GRM7: variants seen among roughly 807,000 people sequenced by gnomAD.
GRM7 encodes metabotropic glutamate receptor 7.
A neutral mutation model predicts 84.5 loss-of-function variants in GRM7; 35 were observed. That is an observed-to-expected ratio of 0.41 (90% CI 0.32 to 0.55). The LOEUF is 0.55. Ranked by LOEUF, GRM7 falls within the 20% of genes least tolerant of loss-of-function variation. The pLI is 0.19. For missense variants in GRM7, 1,003 were observed against 1,194.6 expected (o/e 0.84, Z 2.36); for synonymous variants, 487 against 455.1 (o/e 1.07, Z -0.89).
At chr3:7,691,731 G>A (rs917696509) in intron 9 of GRM7, among the ~76,000 whole-genome samples, 4 of 152,110 alleles carry the variant, frequency 2.6e-5, no homozygotes, top group Admixed American at 6.5e-5. Context: ...CATGATCTCC[G>A]CTCACTGCAA....
intron 2 of GRM7, among the ~76,000 whole-genome samples, chr3:7,289,739 T>A (rs151231495): frequency 0.017 from 2,581 of 151,810 alleles, 77 homozygotes; most frequent in African/African-American, 0.059. Context: ...ACCATCATTC[T>A]CAGCAAACTA....
chr3:7,202,669 A>C (rs963610392), intron 2 of GRM7, among the ~76,000 whole-genome samples: 1 of 152,158 alleles, frequency 6.6e-6, no homozygotes, highest in Non-Finnish European at 1.5e-5. Flanking sequence ...TTCATGCAAA[A>C]ATGTGCTGAC....
At chr3:7,538,394 G>T (rs1228377580) in intron 7 of GRM7, among the ~76,000 whole-genome samples, 2 of 152,176 alleles carry the variant, frequency 1.3e-5, no homozygotes, top group Non-Finnish European at 2.9e-5. Context: ...TTACGGGCAT[G>T]AGCCACAATG....
rs79484992 is a variant in GRM7, at chr3:6,903,206, G to GTT, written c.519+41310_519+41311dup. On this transcript the variant is annotated intron_variant, in intron 1 of 9. Coordinates refer to ENST00000357716, the MANE Select transcript of GRM7 (RefSeq NM_000844.4). ...CATCTATTTCCCAATATTTTATAGG[G>GTT]TTTTTTTTTTTTGGTCTTCCCATTC... 5.0e-4 allele frequency among the ~76,000 whole-genome samples: 72 copies of GTT among 144,642 alleles called. 1 individual carries two copies. Among genetic ancestry groups the GTT allele is most frequent in the Admixed American group, 9.7e-4 (14 of 14,400 alleles). 94.9% of individuals were successfully genotyped at this position (144,642 alleles called of 152,430 possible). A position where few individuals can be genotyped will look rare whatever the true frequency, so the allele number is the denominator to read the frequency against.
chr3:7,723,619 T>G (rs373076679), intron 9 of GRM7, among the ~76,000 whole-genome samples: 1 of 152,064 alleles, frequency 6.6e-6, no homozygotes, highest in East Asian at 1.9e-4. Context: ...GAGGCTGACA[T>G]GGGAGGATGA....
intron 8 of GRM7, chr3:7,608,016 G>T: frequency 2.9e-6 from 1 of 342,752 alleles, no homozygotes; most frequent in Non-Finnish European, 6.1e-6. Flanking sequence ...AGTTTGCTAA[G>T]GATAACAGCC....
At chr3:7,072,333 G>C (rs1319784842) in intron 1 of GRM7, among the ~76,000 whole-genome samples, 1 of 152,098 alleles carries the variant, frequency 6.6e-6, no homozygotes, top group Non-Finnish European at 1.5e-5. Context: ...TGTTTAAATA[G>C]TTTAGTAAGT....
chr3:7,071,799 C>T (rs1313545369), intron 1 of GRM7, among the ~76,000 whole-genome samples: 2 of 151,896 alleles, frequency 1.3e-5, no homozygotes, highest in African/African-American at 4.8e-5. Context: ...TTATAATAAG[C>T]CATTGGTGAA....
intron 2 of GRM7, among the ~76,000 whole-genome samples, chr3:7,165,018 A>ATTCTGG (rs1417783373): frequency 6.6e-6 from 1 of 152,272 alleles, no homozygotes; most frequent in African/African-American, 2.4e-5. Context: ...GAAGCACTGT[A>ATTCTGG]CATTTCACCA....
intron 7 of GRM7, among the ~76,000 whole-genome samples, chr3:7,567,384 G>T (rs1429795334): frequency 6.6e-6 from 1 of 152,144 alleles, no homozygotes; most frequent in Non-Finnish European, 1.5e-5. Context: ...CAATGACATT[G>T]TGATTTGCAT....
chr3:7,569,099 A>G lies in GRM7; in HGVS notation c.1516-9323A>G, dbSNP rs542112709. 5.3e-5 allele frequency among the ~76,000 whole-genome samples: 8 copies of G among 152,120 alleles called. 1 individual carries two copies. Among genetic ancestry groups the G allele is most frequent in the African/African-American group, 1.7e-4 (7 of 41,434 alleles). On this transcript the variant is annotated intron_variant, in intron 7 of 9. Transcript: ENST00000357716. ...ACTTGGAGAACCTTTATGTCTAGCT[A>G]AGGGATTGTAAATACACCTATCAGC...
intron 4 of GRM7, among the ~76,000 whole-genome samples, chr3:7,365,419 T>C (rs1693834595): frequency 6.6e-6 from 1 of 151,660 alleles, no homozygotes; most frequent in African/African-American, 2.4e-5. Context: ...TTCTCTTCTG[T>C]TTACCACTTT....
intron 7 of GRM7, among the ~76,000 whole-genome samples, chr3:7,481,528 C>T (rs1194803687): frequency 6.6e-6 from 1 of 152,126 alleles, no homozygotes; most frequent in Non-Finnish European, 1.5e-5. Flanking sequence ...GACTATTAGG[C>T]CTGAAGCAAA....
At chr3:7,546,982 GTTTTC>G (rs1165670684) in intron 7 of GRM7, among the ~76,000 whole-genome samples, 1 of 152,002 alleles carries the variant, frequency 6.6e-6, no homozygotes, top group Non-Finnish European at 1.5e-5. Flanking sequence ...TGGGATGCTT[GTTTTC>G]TTTTGTTTTG....
At chr3:6,951,435 C>T (rs1692759009) in intron 1 of GRM7, among the ~76,000 whole-genome samples, 1 of 151,870 alleles carries the variant, frequency 6.6e-6, no homozygotes, top group African/African-American at 2.4e-5. Context: ...TATAAATTTC[C>T]CCTTAAGTAC....
intron 4 of GRM7, among the ~76,000 whole-genome samples, chr3:7,402,761 A>G (rs755420812): frequency 6.6e-6 from 1 of 150,536 alleles, no homozygotes; most frequent in Admixed American, 6.6e-5. Context: ...CTAAGTGGTC[A>G]TGCATTCGGG....
rs554127568 is a variant in GRM7, at chr3:7,240,102, A to C, written c.737-58582A>C. Among the ~76,000 whole-genome samples, 6 of 119,138 alleles carry C rather than the reference A, an allele frequency of 5.0e-5. No individual in the cohort carries two copies. The East Asian group carries it at 1.8e-3, about 35-fold the overall frequency. The allele number at this position is 119,138 out of a possible 152,430, so 78.2% of individuals were successfully genotyped here. A position where few individuals can be genotyped will look rare whatever the true frequency, so the allele number is the denominator to read the frequency against. ...ATGTGTATGAGTAAGGAGTACCAGT[A>C]ATCTTTTAGCATGTGAGGTTTTTTT... On this transcript the variant is annotated intron_variant, in intron 2 of 9. Coordinates refer to ENST00000357716, the MANE Select transcript of GRM7 (RefSeq NM_000844.4).
At chr3:7,406,369 G>A (rs968507800) in intron 4 of GRM7, among the ~76,000 whole-genome samples, 1 of 151,696 alleles carries the variant, frequency 6.6e-6, no homozygotes, top group Non-Finnish European at 1.5e-5. Context: ...GCATAGTGGC[G>A]GGCGCCTGTA....
chr3:7,142,237 A>T lies in GRM7; in HGVS notation c.520-4215A>T, dbSNP rs116325982. 6.3e-4 allele frequency among the ~76,000 whole-genome samples: 96 copies of T among 152,232 alleles called. 1 individual carries two copies. The highest frequency in any genetic ancestry group is 2.3e-3 in the African/African-American group (95 of 41,538). ...GACTAAGACCCATATTTTAATAATA[A>T]ATAATATTTATAAGCTCATAGCAAT... On this transcript the variant is annotated intron_variant, in intron 1 of 9. Transcript: ENST00000357716.
Sources: gnomAD v4.1 joint callset for allele counts (sites outside exome capture counted in the v4.1 genomes callset) on GRCh38, gnomAD v4.1.1 for gene constraint, MANE v1.5 for transcripts, NCBI Gene and HGNC (gene_info 2026-07-23, HGNC 2026-07-21) for gene names.